The following KCNQ2 variants were observed in gnomAD, a reference collection of about 807,000 sequenced individuals.
The protein encoded by KCNQ2 is potassium voltage-gated channel subfamily KQT member 2.
KCNQ2 carries 14 observed loss-of-function variants against 84.8 expected under a neutral mutation model. The ratio of observed to expected loss-of-function variants is 0.17; its 90% CI spans 0.11 to 0.26. The LOEUF (loss-of-function observed/expected upper bound fraction) is 0.26, where lower values mean the gene tolerates loss of function less well. KCNQ2 is among the 10% of genes least tolerant of loss of function. The pLI is 1.00. For synonymous variants in KCNQ2, 599 were observed against 554.1 expected (o/e 1.08, Z -1.14); for missense variants, 788 against 1,254.0 (o/e 0.63, Z 5.61).
Position 63,438,533 on chromosome 20 carries a change from G to C in KCNQ2, c.1023+92C>G, listed in dbSNP as rs2081069214. On this transcript the variant is annotated intron_variant, in intron 7 of 16. Transcript: ENST00000359125. The surrounding 1 kb of genome is among the most constrained non-coding windows in gnomAD (Gnocchi z 5.1). ...GAGCGCTGTGGCCCATCCACAGACAGGGCAATGCCAAAGCCCCAGCGGCCT... is the reference window on the plus strand; with the variant it reads ...GAGCGCTGTGGCCCATCCACAGACACGGCAATGCCAAAGCCCCAGCGGCCT... The C allele has an allele frequency of 3.9e-6, 4 of 1,038,150 alleles. No homozygotes were observed. Among genetic ancestry groups the C allele is most frequent in the Non-Finnish European group, 6.0e-6 (4 of 663,070 alleles). The allele number at this position is 1,038,150 out of a possible 1,614,324, so 64.3% of individuals were successfully genotyped here. A position where few individuals can be genotyped will look rare whatever the true frequency, so the allele number is the denominator to read the frequency against.
chr20:63,442,517 G>A lies in KCNQ2; in HGVS notation c.705C>T (p.Ala235=), dbSNP rs1291672036. ...VYAHSKELVT[A]WYIGFLCLIL... ...TGAGACAAAGGAAGCCGATGTACCA[G>A]GCAGTGACCAGCTCCTGAGAGGCAG... The change falls in exon 5 of 17, where the codon GCC becomes GCT. Residue 235 remains alanine, a synonymous_variant. Transcript: ENST00000359125. The A allele has an allele frequency of 3.1e-6, 5 of 1,613,236 alleles. No homozygotes were observed. The Admixed American group carries it at 6.7e-5, about 22-fold the overall frequency.
In KCNQ2 at chr20:63,472,505, C is replaced by G; in HGVS notation, c.-42G>C. 1.4e-6 allele frequency: 2 copies of G among 1,389,774 alleles called. No individual in the cohort carries two copies. The highest frequency in any genetic ancestry group is 1.9e-6 in the Non-Finnish European group (2 of 1,075,340). 86.1% of individuals were successfully genotyped at this position (1,389,774 alleles called of 1,614,324 possible). On this transcript the variant is annotated 5_prime_UTR_variant, in exon 1 of 17. Coordinates refer to ENST00000359125, the MANE Select transcript of KCNQ2 (RefSeq NM_172107.4). ...CGCCCCGGGTCGGGCTCAGGCTCAG[C>G]GGGGGCGGAGCGCGGGGGGCGGCGC... is the stretch of plus-strand genomic sequence containing the variant.
Position 63,414,919 on chromosome 20 carries a change from T to G in KCNQ2, c.1509A>C (p.Ser503=). The G allele has an allele frequency of 6.2e-7, 1 of 1,612,630 alleles. No individual in the cohort carries two copies. Among genetic ancestry groups the G allele is most frequent in the Non-Finnish European group, 8.5e-7 (1 of 1,179,932 alleles). Residue 503 remains serine (S), a synonymous_variant, in exon 13 of 17, where the codon TCA becomes TCC. Coordinates refer to ENST00000359125, the MANE Select transcript of KCNQ2 (RefSeq NM_172107.4). This position sits in a 1 kb window ranked among gnomAD's most constrained non-coding sequence, Gnocchi z 6.6. The part of the protein sequence containing the change: ...RQAFRIKGAA[S]RQNSEEASLP... Reference sequence around the variant, plus strand: ...CACACCCACCTTCTGAGTTCTGCCGTGACGCGGCACCCTTGATGCGGAAAG... The same window carrying G: ...CACACCCACCTTCTGAGTTCTGCCGGGACGCGGCACCCTTGATGCGGAAAG...
Position 63,464,666 on chromosome 20 carries a change from G to A in KCNQ2, c.296+7502C>T, listed in dbSNP as rs570658075. 1.2e-4 allele frequency among the ~76,000 whole-genome samples: 19 copies of A among 152,310 alleles called. 1 individual carries two copies. The South Asian group carries it at 3.7e-3, about 30-fold the overall frequency. On this transcript the variant is annotated intron_variant, in intron 1 of 16. Transcript: ENST00000359125. ...GACGCTGGAACAGGGCCATGGCCCT[G>A]CGCCCCACACTCCAGCTCCACTCTC...
At chr20:63,447,638 A>G (rs2081473597) in intron 1 of KCNQ2, among the ~76,000 whole-genome samples, 3 of 151,262 alleles carry the variant, frequency 2.0e-5, no homozygotes, top group Admixed American at 2.0e-4. Context: ...CTTGTCGCGC[A>G]GGCTGGAGTG....
In KCNQ2 at chr20:63,438,804, CA is replaced by C; in HGVS notation, c.928-85del. 1 of 1,087,612 alleles carries C rather than the reference CA, an allele frequency of 9.2e-7. No individual in the cohort carries two copies. The highest frequency in any genetic ancestry group is 1.4e-6 in the Non-Finnish European group (1 of 724,114). 67.4% of individuals were successfully genotyped at this position (1,087,612 alleles called of 1,614,324 possible). ...GGTCAGACCATGCTCTGGGGCCCCA[CA>C]CCCCCCCCAATTCATCAGGGTCAGA... On this transcript the variant is annotated intron_variant, in intron 6 of 16. Coordinates refer to ENST00000359125, the MANE Select transcript of KCNQ2 (RefSeq NM_172107.4). The surrounding 1 kb of genome is among the most constrained non-coding windows in gnomAD (Gnocchi z 5.1).
At chr20:63,419,491 AG>A in intron 12 of KCNQ2, 127 bp downstream of exon 12, 1 of 893,174 alleles carries the variant, frequency 1.1e-6, no homozygotes, top group Non-Finnish European at 1.8e-6. Context: ...CCGCACCGCC[AG>A]GGCGGTGGGT....
rs1384439763 is a variant in KCNQ2 at position 63,407,407 on chromosome 20, G to C, written c.1888-32C>G. ...AAGGGGCTGCTGGGCTGGGGTGCGA[G>C]GGCCCGTCCCAGGAGATGTGGGGAC... On this transcript the variant is annotated intron_variant, in intron 16 of 16. Coordinates refer to ENST00000359125, the MANE Select transcript of KCNQ2 (RefSeq NM_172107.4). The surrounding 1 kb of genome is among the most constrained non-coding windows in gnomAD (Gnocchi z 7.2). The C allele has an allele frequency of 6.3e-7, 1 of 1,596,186 alleles. No homozygotes were observed. The highest frequency in any genetic ancestry group is 8.5e-7 in the Non-Finnish European group (1 of 1,178,712).
At chr20:63,416,222 G>A (rs13040636) in intron 12 of KCNQ2, among the ~76,000 whole-genome samples, 14,336 of 152,274 alleles carry the variant, frequency 0.094, 850 homozygotes, top group Non-Finnish European at 0.13. Context: ...CCTGCGAGGC[G>A]TGAAGCAGGA....
At chr20:63,468,105 G>A (rs989598166) in intron 1 of KCNQ2, among the ~76,000 whole-genome samples, 5 of 152,130 alleles carry the variant, frequency 3.3e-5, no homozygotes, top group East Asian at 1.9e-4. Flanking sequence ...ATTTGGTGAG[G>A]GGCAGAAATC....
At chr20:63,412,196 C>T (rs542419879) in intron 15 of KCNQ2, 6 of 291,586 alleles carry the variant, frequency 2.1e-5, no homozygotes, top group African/African-American at 6.8e-5. Flanking sequence ...CAGGCCGCGG[C>T]GGGGCAACGG....
In KCNQ2 at chr20:63,425,576, C is replaced by T. The variant is rs6010933; in HGVS notation, c.1218-1370G>A. Among the ~76,000 whole-genome samples, 44,915 of 151,844 alleles carry T rather than the reference C, an allele frequency of 0.3. 7,529 individuals carry two copies. Among genetic ancestry groups the T allele is most frequent in the Non-Finnish European group, 0.39 (26,531 of 67,914 alleles). ...CTCTACTAAAAATACAAAAATTAGC[C>T]GGGTGTGGTGGCAGGTGCCTGTAAT... On this transcript the variant is annotated intron_variant, in intron 10 of 16. Coordinates refer to ENST00000359125, the MANE Select transcript of KCNQ2 (RefSeq NM_172107.4). This position sits in a 1 kb window ranked among gnomAD's most constrained non-coding sequence, Gnocchi z 5.5.
chr20:63,442,735 C>CACCA (rs1568934111), intron 4 of KCNQ2, among the ~76,000 whole-genome samples: 2 of 35,650 alleles, frequency 5.6e-5, no homozygotes, highest in Admixed American at 3.3e-4. Context: ...TCATCACCAC[C>CACCA]TCCACCATCA....
At chr20:63,445,538 T>C in intron 2 of KCNQ2, 174 bp from the exon 3 acceptor site, 1 of 649,934 alleles carries the variant, frequency 1.5e-6, no homozygotes, top group Admixed American at 3.0e-5. Flanking sequence ...GCAGGAAGGG[T>C]TGGGCCCTCT....
At chr20:63,424,522 T>A in intron 10 of KCNQ2, 2 of 402,786 alleles carry the variant, frequency 5.0e-6, no homozygotes, top group Non-Finnish European at 8.9e-6. Flanking sequence ...ACCACACCAA[T>A]ATTAATAAAG....
At chr20:63,424,069 C>T in intron 11 of KCNQ2, 108 bp downstream of exon 11, 3 of 1,260,854 alleles carry the variant, frequency 2.4e-6, no homozygotes, top group Non-Finnish European at 3.4e-6. Context: ...CACACGGAAG[C>T]ACACACAAGG....
intron 1 of KCNQ2, among the ~76,000 whole-genome samples, chr20:63,470,243 G>C (rs2082182631): frequency 6.8e-6 from 1 of 147,342 alleles, no homozygotes; most frequent in Non-Finnish European, 1.5e-5. Context: ...GGGAGCTCAG[G>C]GAGGTTCAGG....
intron 1 of KCNQ2, among the ~76,000 whole-genome samples, chr20:63,459,300 G>A (rs1450231121): frequency 6.6e-6 from 1 of 152,224 alleles, no homozygotes. Context: ...AGGACAGCTT[G>A]GGCCTAGGAG....
At chr20:63,431,297 G>A in intron 9 of KCNQ2, 43 bp downstream of exon 9, 1 of 1,610,394 alleles carries the variant, frequency 6.2e-7, no homozygotes. Context: ...CACAGAACTA[G>A]AACCACACAC....
Sources: allele counts gnomAD v4.1 joint callset (sites outside exome capture counted in the v4.1 genomes callset), GRCh38; gene constraint gnomAD v4.1.1; non-coding constraint Gnocchi (gnomAD v3.1); transcripts MANE v1.5; gene names NCBI Gene and HGNC (gene_info 2026-07-23, HGNC 2026-07-21).